PDZK1: variants seen among roughly 807,000 people sequenced by gnomAD.
The protein encoded by PDZK1 is PDZ domain containing 1.
In PDZK1, 23 loss-of-function variants were observed where a neutral mutation model predicts 38.1. That is an observed-to-expected ratio of 0.60 (90% CI 0.43 to 0.85). PDZK1 has a LOEUF of 0.85. Ranked by LOEUF, PDZK1 falls within the 40% of genes least tolerant of loss-of-function variation. The pLI, the probability that PDZK1 is intolerant of heterozygous loss-of-function variation, is 0.00. For synonymous variants in PDZK1, 98 were observed against 186.2 expected (o/e 0.53, Z 3.86); for missense variants, 297 against 504.3 (o/e 0.59, Z 3.94).
intron 1 of PDZK1, among the ~76,000 whole-genome samples, chr1:145,705,668 AT>A (rs1656205014): frequency 6.6e-6 from 1 of 152,172 alleles, no homozygotes. Context: ...AGTGACTGCA[AT>A]TTGTTTCTTC....
chr1:145,705,064 C>T (rs1399604534), intron 1 of PDZK1, among the ~76,000 whole-genome samples: 5 of 152,144 alleles, frequency 3.3e-5, no homozygotes, highest in African/African-American at 9.7e-5. Context: ...TGAAGCTTAA[C>T]ATCTGGCAAA....
rs1224097120 is a variant in PDZK1 at position 145,674,477 on chromosome 1, G to A, written c.991-596C>T. Among the ~76,000 whole-genome samples the A allele has an allele frequency of 5.3e-5, 8 of 152,296 alleles. No individual in the cohort carries two copies. In the East Asian group the frequency reaches 1.4e-3, roughly 26 times the overall value. On this transcript the variant is annotated intron_variant, in intron 6 of 8. Transcript: ENST00000417171. ...GTGGTTCCAGAGGGGATTAGCATGC[G>A]AGTCTGAGTGAACTACAGAAAAGGC...
At chr1:145,690,349 A>G (rs1269248992) in intron 1 of PDZK1, among the ~76,000 whole-genome samples, 1 of 152,120 alleles carries the variant, frequency 6.6e-6, no homozygotes, top group Non-Finnish European at 1.5e-5. Flanking sequence ...ACCCCAAAAG[A>G]AAAAAAATCA....
intron 6 of PDZK1, among the ~76,000 whole-genome samples, chr1:145,677,161 T>C (rs1355366630): frequency 6.6e-6 from 1 of 152,242 alleles, no homozygotes; most frequent in Non-Finnish European, 1.5e-5. Flanking sequence ...CATATTTGGA[T>C]GGGGCAACCA....
intron 5 of PDZK1, among the ~76,000 whole-genome samples, 173 bp from the exon 6 acceptor site, chr1:145,678,818 C>T (rs1553699773): frequency 1.4e-5 from 2 of 142,268 alleles, no homozygotes; most frequent in Non-Finnish European, 3.1e-5. Flanking sequence ...ACTATCTAGG[C>T]TCGTTTCCTG....
intron 1 of PDZK1, among the ~76,000 whole-genome samples, chr1:145,703,798 C>T (rs1191824058): frequency 3.9e-5 from 6 of 151,978 alleles, no homozygotes; most frequent in African/African-American, 1.2e-4. Flanking sequence ...GCTTCAGGAT[C>T]CATGTCGTGT....
intron 1 of PDZK1, among the ~76,000 whole-genome samples, chr1:145,691,122 T>C (rs924506763): frequency 2.0e-5 from 3 of 152,324 alleles, no homozygotes; most frequent in Admixed American, 1.3e-4. Context: ...ATTAATGCTA[T>C]GGCCATCGAT....
At chr1:145,689,705 C>T (rs1655084070) in intron 1 of PDZK1, among the ~76,000 whole-genome samples, 1 of 152,188 alleles carries the variant, frequency 6.6e-6, no homozygotes, top group Non-Finnish European at 1.5e-5. Context: ...TCCCTACCTA[C>T]AAATCAGAAT....
At chr1:145,680,230 A>G (rs1477626829) in intron 5 of PDZK1, among the ~76,000 whole-genome samples, 6 of 152,096 alleles carry the variant, frequency 3.9e-5, no homozygotes, top group Non-Finnish European at 5.9e-5. Context: ...TTCATATGAT[A>G]TTCTTTCTCC....
chr1:145,705,093 T>C (rs1656173772), intron 1 of PDZK1, among the ~76,000 whole-genome samples: 1 of 152,030 alleles, frequency 6.6e-6, no homozygotes, highest in African/African-American at 2.4e-5. Context: ...GTAAAAGAGA[T>C]GATTTTTTTT....
intron 2 of PDZK1, among the ~76,000 whole-genome samples, chr1:145,687,474 G>A (rs1193491769): frequency 2.9e-5 from 4 of 138,648 alleles, no homozygotes; most frequent in Non-Finnish European, 3.0e-5. Flanking sequence ...GCAGTGAACC[G>A]AGATCGCACC....
chr1:145,677,747 T>TC (rs1387862584), intron 6 of PDZK1, among the ~76,000 whole-genome samples: 1 of 146,534 alleles, frequency 6.8e-6, no homozygotes, highest in Admixed American at 6.8e-5. Context: ...CCCATCATAT[T>TC]CCCCCCTCTG....
Position 145,678,619 on chromosome 1 carries a change from C to G in PDZK1, c.820G>C (p.Gly274Arg). 2.1e-6 allele frequency: 1 copy of G among 469,454 alleles called. No individual in the cohort carries two copies. The highest frequency in any genetic ancestry group is 3.6e-6 in the Non-Finnish European group (1 of 277,544). 29.1% of individuals were successfully genotyped at this position (469,454 alleles called of 1,614,324 possible). ...KGQIIKDIDS[G>R]SPAEEAGLKN... The stretch of plus-strand genomic sequence containing the variant: ...AAGCCAGCCTCCTCTGCTGGACTTC[C>G]AGAATCTATGTCCTTGATGATTTGA... Residue 274 changes from glycine (G) to arginine (R), a missense_variant, in exon 6 of 9, where the codon GGA becomes CGA. Transcript: ENST00000417171.
intron 1 of PDZK1, among the ~76,000 whole-genome samples, chr1:145,696,865 T>C (rs1055932021): frequency 3.3e-5 from 5 of 152,224 alleles, no homozygotes; most frequent in Non-Finnish European, 5.9e-5. Context: ...AGGTTTCAAT[T>C]AGAGGACTTG....
At chr1:145,681,500 G>A (rs587673230) in intron 4 of PDZK1, among the ~76,000 whole-genome samples, 1 of 149,566 alleles carries the variant, frequency 6.7e-6, no homozygotes, top group Admixed American at 6.6e-5. Flanking sequence ...TTGTTAGCCA[G>A]GATGGTCTCG....
intron 1 of PDZK1, among the ~76,000 whole-genome samples, chr1:145,702,281 G>C (rs1553705077): frequency 6.6e-6 from 1 of 151,960 alleles, no homozygotes; most frequent in African/African-American, 2.4e-5. Flanking sequence ...GGAGTTCAAG[G>C]CCTTTCACAG....
At chr1:145,681,842 AAAGCATTTC>A (rs1439722861) in intron 4 of PDZK1, among the ~76,000 whole-genome samples, 1 of 76,962 alleles carries the variant, frequency 1.3e-5, no homozygotes, top group Non-Finnish European at 2.4e-5. Context: ...ACTTCCTATT[AAAGCATTTC>A]AGTATTAACG....
intron 1 of PDZK1, among the ~76,000 whole-genome samples, chr1:145,693,763 G>C (rs1655454213): frequency 6.8e-6 from 1 of 146,418 alleles, no homozygotes; most frequent in Admixed American, 6.8e-5. Flanking sequence ...GACAGAGCGA[G>C]ACTCCACCAA....
intron 5 of PDZK1, among the ~76,000 whole-genome samples, chr1:145,679,755 A>G (rs1312900492): frequency 2.6e-5 from 4 of 152,296 alleles, no homozygotes; most frequent in South Asian, 2.1e-4. Flanking sequence ...CCAAGACATT[A>G]TAGGCTGGTT....
Sources: gnomAD v4.1 joint callset for allele counts (sites outside exome capture counted in the v4.1 genomes callset) on GRCh38, gnomAD v4.1.1 for gene constraint, MANE v1.5 for transcripts, NCBI Gene and HGNC (gene_info 2026-07-23, HGNC 2026-07-21) for gene names.